Variants in KCTD19 observed in about 807,000 individuals in gnomAD.
KCTD19 encodes potassium channel tetramerization domain containing 19, also known as BTB/POZ domain-containing protein KCTD19.
Under a neutral mutation model 103.5 loss-of-function variants are expected in KCTD19, and 67 were observed. That is an observed-to-expected ratio of 0.65 (90% confidence interval 0.53 to 0.79). KCTD19 has a LOEUF of 0.79. Among genes scored for constraint, KCTD19 ranks in the 30% least tolerant of loss-of-function variants. KCTD19 has a pLI of 0.00. For synonymous variants in KCTD19, 439 were observed against 452.2 expected, an observed-to-expected ratio of 0.97 and a Z score of 0.37; for missense variants, 980 against 1,136.1, an observed-to-expected ratio of 0.86 and a Z score of 1.98.
intron 11 of KCTD19, 139 bp from the exon 12 acceptor site, chr16:67,294,310 T>A: frequency 2.0e-6 from 2 of 995,952 alleles, no homozygotes; most frequent in South Asian, 1.6e-5. Context: ...GTCACCCATT[T>A]GAGCTTTGCT....
At position 67,289,592 on chromosome 16, in the gene KCTD19, C is replaced by T. The variant is rs746409848; in HGVS notation, c.2758G>A (p.Gly920Arg). 1.9e-6 allele frequency: 3 copies of T among 1,613,516 alleles called. 1 individual carries two copies. In the South Asian group the frequency reaches 3.3e-5, roughly 18 times the overall value. The change falls in exon 16 of 16, where the codon GGA becomes AGA. Residue 920 changes from glycine (G) to arginine (R), a missense_variant. Gly to Arg is a moderately radical substitution (Grantham distance 125). Transcript: ENST00000304372. Reference sequence around the variant, plus strand: ...CCCTAGTCCTCTTGTAGGTACTTTCCCAGGATGGAGTAAGAGACAGACCTA... The same window carrying T: ...CCCTAGTCCTCTTGTAGGTACTTTCTCAGGATGGAGTAAGAGACAGACCTA... ...LSRSVSYSIL[G>R]KYLQED is the part of the protein sequence containing the mutation.
At chr16:67,325,199 C>CTT (rs918808425) in intron 1 of KCTD19, among the ~76,000 whole-genome samples, 4,457 of 131,052 alleles carry the variant, frequency 0.034, 294 homozygotes, top group African/African-American at 0.11. Context: ...TTCTTTTTTT[C>CTT]TTTTTTTCTT....
Position 67,303,177 on chromosome 16 carries a change from G to T in KCTD19, c.612C>A (p.Ile204=). Residue 204 remains isoleucine (I), a synonymous_variant, in exon 4 of 16, where the codon ATC becomes ATA. Transcript: ENST00000304372. The surrounding 1 kb of genome is among the most constrained non-coding windows in gnomAD (Gnocchi z 4.3). ...LLWLAETVAL[I]ECECSEFRFI... is the part of the protein sequence containing the mutation. ...AGCGGAACTCGCTGCACTCGCACTC[G>T]ATGAGGGCCACCGTCTCAGCCAGCC... 4.3e-6 allele frequency: 7 copies of T among 1,610,672 alleles called. No individual in the cohort carries two copies. The highest frequency in any genetic ancestry group is 5.9e-6 in the Non-Finnish European group (7 of 1,179,460).
At chr16:67,304,713 G>C in intron 2 of KCTD19, 142 bp from the exon 3 acceptor site, 1 of 664,818 alleles carries the variant, frequency 1.5e-6, no homozygotes, top group Non-Finnish European at 2.5e-6. Context: ...GCCCAGGCTG[G>C]AGTGCAGTGG....
intron 2 of KCTD19, among the ~76,000 whole-genome samples, chr16:67,312,332 C>T (rs1054711967): frequency 5.3e-5 from 8 of 152,202 alleles, no homozygotes; most frequent in Non-Finnish European, 1.0e-4. Flanking sequence ...GGGCTCAGAT[C>T]AGTTTACATT....
At chr16:67,299,342 G>A (rs1424221170) in intron 6 of KCTD19, 21 bp downstream of exon 6, 2 of 1,609,378 alleles carry the variant, frequency 1.2e-6, no homozygotes, top group South Asian at 1.1e-5. Flanking sequence ...GGGACTCAGT[G>A]TGCCCTAAGG....
intron 1 of KCTD19, among the ~76,000 whole-genome samples, chr16:67,322,242 C>T (rs2037082181): frequency 6.6e-6 from 1 of 151,866 alleles, no homozygotes; most frequent in Non-Finnish European, 1.5e-5. Flanking sequence ...TGGACCCCTA[C>T]CTCAACCCAT....
Position 67,303,369 on chromosome 16 carries a change from C to T in KCTD19, c.452-32G>A. On this transcript the variant is annotated intron_variant, in intron 3 of 15. Coordinates refer to ENST00000304372, the MANE Select transcript of KCTD19 (RefSeq NM_001100915.3). The surrounding 1 kb of genome is among the most constrained non-coding windows in gnomAD (Gnocchi z 4.3). The stretch of plus-strand genomic sequence containing the variant: ...GAGAACATGCAGGCAGTGTTGCCAC[C>T]TCTCAGAAGCCAGGGATCTGATTCC... 1 of 1,572,388 alleles carries T rather than the reference C, an allele frequency of 6.4e-7. No individual in the cohort carries two copies.
chr16:67,304,468 C>T lies in KCTD19; in HGVS notation c.404G>A (p.Cys135Tyr), dbSNP rs752134012. Residue 135 changes from cysteine (C) to tyrosine (Y), a missense_variant, in exon 3 of 16, where the codon TGT (cysteine) becomes TAT (tyrosine). Transcript: ENST00000304372. ...ASLNYWRTWK[C>Y]ISKPSEFPIK... Reference sequence around the variant, plus strand: ...TGGAAATTCTGAGGGTTTGCTAATACACTTCCATGTACGCCAGTAGTTCAG... The same window carrying T: ...TGGAAATTCTGAGGGTTTGCTAATATACTTCCATGTACGCCAGTAGTTCAG... 5.0e-6 allele frequency: 8 copies of T among 1,613,980 alleles called. No individual in the cohort carries two copies. The highest frequency in any genetic ancestry group is 4.5e-5 in the East Asian group (2 of 44,902).
chr16:67,291,197 C>A, intron 14 of KCTD19, 112 bp downstream of exon 14: 1 of 1,373,584 alleles, frequency 7.3e-7, no homozygotes. Context: ...CTGGCCTTCT[C>A]CTTAACCCCA....
chr16:67,321,649 A>T (rs1184772911), intron 1 of KCTD19: 3 of 151,902 alleles, frequency 2.0e-5, no homozygotes, highest in Non-Finnish European at 2.9e-5. Flanking sequence ...CACATTTCCC[A>T]CTTTTTTTTT....
intron 4 of KCTD19, 83 bp from the exon 5 acceptor site, chr16:67,302,005 T>C: frequency 7.7e-7 from 1 of 1,292,380 alleles, no homozygotes. Flanking sequence ...AGGTTTCTGG[T>C]GCTGTAACTT....
chr16:67,305,523 T>C, intron 2 of KCTD19: 1 of 439,828 alleles, frequency 2.3e-6, no homozygotes, highest in Admixed American at 2.5e-5. Context: ...GGGCTGAGGC[T>C]GGAGTGGAGC....
intron 2 of KCTD19, among the ~76,000 whole-genome samples, chr16:67,312,139 CAGA>C (rs1224644125): frequency 3.9e-5 from 6 of 152,296 alleles, no homozygotes; most frequent in African/African-American, 1.4e-4. Context: ...GAGAAGTCCC[CAGA>C]AGGTGTGAAA....
Position 67,293,880 on chromosome 16 carries a change from G to T in KCTD19, c.1882C>A (p.Pro628Thr). ...ATGAGTTTTTGCATGGGAGTGGCGG[G>T]AGGGTCTTTGGTTTCAGATTTCTGT... ...LTQKSETKDPPATPMQKLISL... is the reference protein window; with the variant it reads ...LTQKSETKDPTATPMQKLISL... The change falls in exon 12 of 16, where the codon CCC becomes ACC. Residue 628 changes from proline (P) to threonine (T), a missense_variant. Transcript: ENST00000304372. The surrounding 1 kb of genome is among the most constrained non-coding windows in gnomAD (Gnocchi z 4.0). 1 of 1,613,408 alleles carries T rather than the reference G, an allele frequency of 6.2e-7. No individual in the cohort carries two copies.
chr16:67,303,146 C>A lies in KCTD19; in HGVS notation c.643G>T (p.Val215Leu), dbSNP rs1159623418. 7.4e-7 allele frequency: 1 copy of A among 1,346,034 alleles called. No homozygotes were observed. The highest frequency in any genetic ancestry group is 4.4e-5 in the East Asian group (1 of 22,892). The allele number at this position is 1,346,034 out of a possible 1,614,324, so 83.4% of individuals were successfully genotyped here. Residue 215 changes from valine (V) to leucine (L), a missense_variant and splice_region_variant, in exon 4 of 16, where the codon GTG becomes TTG. By Grantham distance (32) the Val-to-Leu change is conservative (BLOSUM62 1). Coordinates refer to ENST00000304372, the MANE Select transcript of KCTD19 (RefSeq NM_001100915.3). The surrounding 1 kb of genome is among the most constrained non-coding windows in gnomAD (Gnocchi z 4.3). ...ECECSEFRFI[V>L]NFLRSQKILL... ...ACCCCACCCCGGACAGAGCAATCACCAATGAAGCGGAACTCGCTGCACTCG... is the reference window on the plus strand; with the variant it reads ...ACCCCACCCCGGACAGAGCAATCACAAATGAAGCGGAACTCGCTGCACTCG...
rs1475667205 is a variant in KCTD19 at position 67,320,548 on chromosome 16, T to C, written c.300+41A>G. The C allele has an allele frequency of 3.8e-6, 6 of 1,590,282 alleles. No homozygotes were observed. The highest frequency in any genetic ancestry group is 1.3e-5 in the African/African-American group (1 of 74,146). On this transcript the variant is annotated intron_variant, in intron 2 of 15. Transcript: ENST00000304372. The surrounding 1 kb of genome is among the most constrained non-coding windows in gnomAD (Gnocchi z 4.0). ...AACAATATTTAGTGATGTAAAGCCA[T>C]GTTACTGATCCACCACTCCCAGAAA...
intron 1 of KCTD19, among the ~76,000 whole-genome samples, chr16:67,321,260 T>C (rs1405799313): frequency 6.6e-6 from 1 of 152,214 alleles, no homozygotes; most frequent in Admixed American, 6.5e-5. Flanking sequence ...AAATGTTGTA[T>C]TTTTATACTT....
chr16:67,291,828 G>A lies in KCTD19; in HGVS notation c.2228C>T (p.Ala743Val), dbSNP rs1252441362. The change falls in exon 13 of 16, where the codon GCC (alanine) becomes GTC (valine). Residue 743 changes from alanine to valine, a missense_variant. Physicochemically the swap from Ala to Val is moderately conservative, Grantham distance 64. Coordinates refer to ENST00000304372, the MANE Select transcript of KCTD19 (RefSeq NM_001100915.3). Reference protein sequence around the residue: ...KQRTKERESPAPEQPLPEASE... With the variant: ...KQRTKERESPVPEQPLPEASE... The stretch of plus-strand genomic sequence containing the variant: ...GGCCTCGGGCAGAGGCTGCTCAGGG[G>A]CAGGGCTTTCTGTGAAAACAACATA... The A allele has an allele frequency of 1.9e-6, 3 of 1,596,032 alleles. No individual in the cohort carries two copies. Among genetic ancestry groups the A allele is most frequent in the East Asian group, 4.5e-5 (2 of 44,432 alleles).
Sources: gnomAD v4.1 joint callset for allele counts (sites outside exome capture counted in the v4.1 genomes callset) on GRCh38, gnomAD v4.1.1 for gene constraint, Gnocchi (gnomAD v3.1) non-coding constraint, MANE v1.5 for transcripts, NCBI Gene and HGNC (gene_info 2026-07-23, HGNC 2026-07-21) for gene names.